The following KCNQ1 variants were observed in gnomAD, a reference collection of about 807,000 sequenced individuals.
KCNQ1 encodes potassium voltage-gated channel subfamily KQT member 1.
A neutral mutation model predicts 72.4 loss-of-function variants in KCNQ1; 49 were observed. The observed-to-expected ratio is 0.68, with a 90% CI of 0.54 to 0.86. The LOEUF (loss-of-function observed/expected upper bound fraction) is 0.86, where lower values mean the gene tolerates loss of function less well. Ranked by LOEUF, KCNQ1 falls within the 40% of genes least tolerant of loss-of-function variation. The pLI is 0.00. For missense variants in KCNQ1, 790 were observed against 945.1 expected, an observed-to-expected ratio of 0.84 and a Z score of 2.15; for synonymous variants, 450 against 412.6, an observed-to-expected ratio of 1.09 and a Z score of -1.10.
chr11:2,480,326 A>T (rs1846632697), intron 1 of KCNQ1, among the ~76,000 whole-genome samples: 1 of 152,212 alleles, frequency 6.6e-6, no homozygotes. Flanking sequence ...TGGGTAATTT[A>T]TAAAGGGAAG....
chr11:2,831,751 G>A lies in KCNQ1; in HGVS notation c.1795-16016G>A, dbSNP rs537732641. On this transcript the variant is annotated intron_variant, in intron 15 of 15. Coordinates refer to ENST00000155840, the MANE Select transcript of KCNQ1 (RefSeq NM_000218.3). ...CCGCTGCCCTCCTCTGCCTCTCTCC[G>A]TTGCCCCCTCCTCCCTCCCCCACCA... Among the ~76,000 whole-genome samples, 7 of 89,688 alleles carry A rather than the reference G, an allele frequency of 7.8e-5. No homozygotes were observed. In the East Asian group the frequency reaches 1.1e-3, roughly 14 times the overall value. The allele number at this position is 89,688 out of a possible 152,430, so 58.8% of individuals were successfully genotyped here.
Position 2,848,153 on chromosome 11 carries a change from C to T in KCNQ1, c.*150C>T. On this transcript the variant is annotated 3_prime_UTR_variant, in exon 16 of 16. Coordinates refer to ENST00000155840, the MANE Select transcript of KCNQ1 (RefSeq NM_000218.3). Reference sequence around the variant, plus strand: ...CCCAATACCCCATGGACCATGCTGTCTGGCACAGCCTGCACTTGGGGGCTC... The same window carrying T: ...CCCAATACCCCATGGACCATGCTGTTTGGCACAGCCTGCACTTGGGGGCTC... 2 of 761,866 alleles carry T rather than the reference C, an allele frequency of 2.6e-6. No homozygotes were observed. 47.2% of individuals were successfully genotyped at this position (761,866 alleles called of 1,614,324 possible).
chr11:2,509,803 C>T lies in KCNQ1; in HGVS notation c.387-18125C>T, dbSNP rs181448430. Among the ~76,000 whole-genome samples the T allele has an allele frequency of 2.8e-4, 42 of 152,210 alleles. 1 individual carries two copies. The highest frequency in any genetic ancestry group is 9.6e-4 in the African/African-American group (40 of 41,530). ...GCGGCTGCTGGCTGAGCCAAGTGGACTGGGAGGTGTGGACAGGGAACCCTG... is the reference window on the plus strand; with the variant it reads ...GCGGCTGCTGGCTGAGCCAAGTGGATTGGGAGGTGTGGACAGGGAACCCTG... On this transcript the variant is annotated intron_variant, in intron 1 of 15. Coordinates refer to ENST00000155840, the MANE Select transcript of KCNQ1 (RefSeq NM_000218.3). This position sits in a 1 kb window ranked among gnomAD's most constrained non-coding sequence, Gnocchi z 6.3.
chr11:2,789,051 C>T (rs939745151), intron 15 of KCNQ1, among the ~76,000 whole-genome samples: 1 of 152,098 alleles, frequency 6.6e-6, no homozygotes, highest in Non-Finnish European at 1.5e-5. Context: ...GGCCCCGTAC[C>T]CTCCCCCAAC....
Position 2,617,037 on chromosome 11 carries a change from G to T in KCNQ1, c.1393+28183G>T. 1 of 397,866 alleles carries T rather than the reference G, an allele frequency of 2.5e-6. No homozygotes were observed. Among genetic ancestry groups the T allele is most frequent in the East Asian group, 3.6e-5 (1 of 28,004 alleles). 24.6% of individuals were successfully genotyped at this position (397,866 alleles called of 1,614,324 possible). A position where few individuals can be genotyped will look rare whatever the true frequency, so the allele number is the denominator to read the frequency against. Reference sequence around the variant, plus strand: ...ACAGTTAAATCGTTAACATAGTGATGCAAATTAATATGTCCATCATCTCAC... The same window carrying T: ...ACAGTTAAATCGTTAACATAGTGATTCAAATTAATATGTCCATCATCTCAC... On this transcript the variant is annotated intron_variant, in intron 10 of 15. Coordinates refer to ENST00000155840, the MANE Select transcript of KCNQ1 (RefSeq NM_000218.3). The surrounding 1 kb of genome is among the most constrained non-coding windows in gnomAD (Gnocchi z 4.6).
chr11:2,582,793 T>C (rs1248839406), intron 6 of KCNQ1, among the ~76,000 whole-genome samples: 2 of 152,018 alleles, frequency 1.3e-5, no homozygotes, highest in African/African-American at 4.8e-5. Flanking sequence ...TCCTGCAGAA[T>C]GACATTTCCA....
In KCNQ1 at chr11:2,759,253, G is replaced by A. The variant is rs573194096; in HGVS notation, c.1515-9591G>A. On this transcript the variant is annotated intron_variant, in intron 11 of 15. Coordinates refer to ENST00000155840, the MANE Select transcript of KCNQ1 (RefSeq NM_000218.3). The surrounding 1 kb of genome is among the most constrained non-coding windows in gnomAD (Gnocchi z 4.4). ...TAAGTGCTCAAGGAAGAGTCTGGAAGGCCTGCAAGGCCCTCATGCCTACGA... is the reference window on the plus strand; with the variant it reads ...TAAGTGCTCAAGGAAGAGTCTGGAAAGCCTGCAAGGCCCTCATGCCTACGA... Among the ~76,000 whole-genome samples, 26 of 152,312 alleles carry A rather than the reference G, an allele frequency of 1.7e-4. 1 individual carries two copies. In the South Asian group the frequency reaches 3.7e-3, roughly 22 times the overall value.
intron 2 of KCNQ1, among the ~76,000 whole-genome samples, chr11:2,554,673 C>T (rs1589947498): frequency 1.3e-5 from 2 of 152,324 alleles, no homozygotes; most frequent in African/African-American, 4.8e-5. Flanking sequence ...CTTTGCTCCC[C>T]AGGGAGGCAG....
At chr11:2,838,353 G>A (rs1848128409) in intron 15 of KCNQ1, among the ~76,000 whole-genome samples, 1 of 152,168 alleles carries the variant, frequency 6.6e-6, no homozygotes, top group South Asian at 2.1e-4. Context: ...CCGGCGCGCC[G>A]GGAAGCAGGC....
chr11:2,487,906 A>G (rs1485347097), intron 1 of KCNQ1, among the ~76,000 whole-genome samples: 3 of 152,046 alleles, frequency 2.0e-5, no homozygotes, highest in Non-Finnish European at 2.9e-5. Context: ...TTTCAGTACA[A>G]TGTTGAATAG....
intron 1 of KCNQ1, among the ~76,000 whole-genome samples, chr11:2,510,252 C>T (rs942819339): frequency 1.3e-5 from 2 of 151,344 alleles, no homozygotes; most frequent in African/African-American, 4.9e-5. Context: ...GCACTCCAGC[C>T]TGAGTGACAG....
At position 2,447,651 on chromosome 11, in the gene KCNQ1, CCAGTCCAGCCTTGTGT is replaced by C. The variant is rs1241853290; in HGVS notation, c.386+2168_386+2183del. Among the ~76,000 whole-genome samples the C allele has an allele frequency of 6.6e-6, 1 of 152,188 alleles. No individual in the cohort carries two copies. The highest frequency in any genetic ancestry group is 1.5e-5 in the Non-Finnish European group (1 of 68,022). ...TCACGAAATCAGGTCCAGCCTTGCG[CCAGTCCAGCCTTGTGT>C]TGCTGTAAGAAGTCTTGGCAATGGT... is the stretch of plus-strand genomic sequence containing the variant. On this transcript the variant is annotated intron_variant, in intron 1 of 15. Coordinates refer to ENST00000155840, the MANE Select transcript of KCNQ1 (RefSeq NM_000218.3). This position sits in a 1 kb window ranked among gnomAD's most constrained non-coding sequence, Gnocchi z 7.6.
At chr11:2,799,197 C>T (rs1020814029) in intron 15 of KCNQ1, among the ~76,000 whole-genome samples, 10 of 152,192 alleles carry the variant, frequency 6.6e-5, no homozygotes, top group Admixed American at 3.3e-4. Context: ...GAGAGAGCAG[C>T]GCAGGAGAGA....
At chr11:2,597,358 C>G (rs1848747347) in intron 10 of KCNQ1, among the ~76,000 whole-genome samples, 1 of 152,102 alleles carries the variant, frequency 6.6e-6, no homozygotes, top group South Asian at 2.1e-4. Flanking sequence ...TACACATTTG[C>G]AAAATAATCC....
In KCNQ1 at chr11:2,579,448, A is replaced by G. The variant is rs2133744145; in HGVS notation, c.922-3987A>G. Among the ~76,000 whole-genome samples, 1 of 152,330 alleles carries G rather than the reference A, an allele frequency of 6.6e-6. No homozygotes were observed. Among genetic ancestry groups the G allele is most frequent in the South Asian group, 2.1e-4 (1 of 4,830 alleles). ...CCCTGGCAAGGAGCCACGGCCCAGGAGACAGACATGTGGATCTGCATTCCA... is the reference window on the plus strand; with the variant it reads ...CCCTGGCAAGGAGCCACGGCCCAGGGGACAGACATGTGGATCTGCATTCCA... On this transcript the variant is annotated intron_variant, in intron 6 of 15. Transcript: ENST00000155840. This position sits in a 1 kb window ranked among gnomAD's most constrained non-coding sequence, Gnocchi z 6.0.
intron 11 of KCNQ1, chr11:2,672,473 G>T: frequency 2.5e-6 from 1 of 398,612 alleles, no homozygotes; most frequent in Non-Finnish European, 4.4e-6. Context: ...CTTCCCTAAG[G>T]TCCCCACATT....
chr11:2,811,835 T>A (rs905068430), intron 15 of KCNQ1, among the ~76,000 whole-genome samples: 1 of 152,170 alleles, frequency 6.6e-6, no homozygotes, highest in Non-Finnish European at 1.5e-5. Flanking sequence ...TCCTGCAGGC[T>A]CAAGCCTGGA....
At position 2,498,497 on chromosome 11, in the gene KCNQ1, G is replaced by A. The variant is rs1397482929; in HGVS notation, c.387-29431G>A. Among the ~76,000 whole-genome samples, 3 of 152,144 alleles carry A rather than the reference G, an allele frequency of 2.0e-5. No homozygotes were observed. The highest frequency in any genetic ancestry group is 4.1e-4 in the South Asian group (2 of 4,828). On this transcript the variant is annotated intron_variant, in intron 1 of 15. Coordinates refer to ENST00000155840, the MANE Select transcript of KCNQ1 (RefSeq NM_000218.3). This position sits in a 1 kb window ranked among gnomAD's most constrained non-coding sequence, Gnocchi z 4.8. ...TCCTTAGCACTATCAGGGGAAAACC[G>A]CCTACTAAAGCCTCAGTAATACCAA...
intron 11 of KCNQ1, chr11:2,662,707 G>A (rs1035570425): frequency 5.0e-6 from 2 of 401,690 alleles, no homozygotes; most frequent in Non-Finnish European, 8.8e-6. Flanking sequence ...GTGCAGCGGG[G>A]TCAGTGGGGC....
Sources: gnomAD v4.1 joint callset for allele counts (sites outside exome capture counted in the v4.1 genomes callset) on GRCh38, gnomAD v4.1.1 for gene constraint, Gnocchi (gnomAD v3.1) non-coding constraint, MANE v1.5 for transcripts, NCBI Gene and HGNC (gene_info 2026-07-23, HGNC 2026-07-21) for gene names.